Variants in HDAC4 observed in about 807,000 individuals in gnomAD.
The protein encoded by HDAC4 is histone deacetylase 4.
In HDAC4, 16 loss-of-function variants were observed where a neutral mutation model predicts 135.1. The ratio of observed to expected loss-of-function variants is 0.12; its 90% CI spans 0.08 to 0.18. The LOEUF (loss-of-function observed/expected upper bound fraction) is 0.18. Among genes scored for constraint, HDAC4 ranks in the 10% least tolerant of loss-of-function variants. The pLI is 1.00. For missense variants in HDAC4, 1,143 were observed against 1,511.8 expected, an observed-to-expected ratio of 0.76 and a Z score of 4.05; for synonymous variants, 685 against 653.4, an observed-to-expected ratio of 1.05 and a Z score of -0.74.
chr2:239,138,286 G>C (rs2041112104), intron 9 of HDAC4, among the ~76,000 whole-genome samples: 1 of 152,176 alleles, frequency 6.6e-6, no homozygotes, highest in Admixed American at 6.5e-5. Context: ...GCAGCCTGGA[G>C]ACAAAGGGCA....
At chr2:239,239,426 C>A (rs545547500) in intron 2 of HDAC4, among the ~76,000 whole-genome samples, 2 of 152,202 alleles carry the variant, frequency 1.3e-5, no homozygotes, top group African/African-American at 4.8e-5. Context: ...TGCGGCTGAA[C>A]ATGCTGCTCC....
intron 2 of HDAC4, among the ~76,000 whole-genome samples, chr2:239,253,458 G>A (rs2048894237): frequency 6.6e-6 from 1 of 152,310 alleles, no homozygotes; most frequent in South Asian, 2.1e-4. Context: ...AACAGCAGTG[G>A]CTGAATGTGT....
At chr2:239,198,726 C>T (rs1466428610) in intron 3 of HDAC4, among the ~76,000 whole-genome samples, 1 of 152,220 alleles carries the variant, frequency 6.6e-6, no homozygotes, top group Non-Finnish European at 1.5e-5. Flanking sequence ...CGTGTCGCCC[C>T]TCTTCTGTTC....
intron 3 of HDAC4, among the ~76,000 whole-genome samples, chr2:239,203,992 C>T (rs991099498): frequency 3.3e-5 from 5 of 152,174 alleles, no homozygotes; most frequent in East Asian, 3.9e-4. Context: ...GTTAGGAGTC[C>T]GGGTCCAATG....
intron 13 of HDAC4, 121 bp downstream of exon 13, chr2:239,114,932 A>T: frequency 8.3e-7 from 1 of 1,200,044 alleles, no homozygotes. Flanking sequence ...CAGGTGAGAC[A>T]CTGGACAGTG....
intron 22 of HDAC4, among the ~76,000 whole-genome samples, chr2:239,076,036 C>T (rs950017772): frequency 6.6e-6 from 1 of 151,686 alleles, no homozygotes; most frequent in Non-Finnish European, 1.5e-5. Flanking sequence ...CTCTCCTTGG[C>T]TTCCTGGGAG....
intron 1 of HDAC4, among the ~76,000 whole-genome samples, chr2:239,381,128 C>T (rs2126057625): frequency 6.6e-6 from 1 of 152,320 alleles, no homozygotes; most frequent in East Asian, 1.9e-4. Context: ...AGGAAACCGT[C>T]TAGGAACCAA....
At chr2:239,091,743 G>A (rs1033124394) in intron 17 of HDAC4, 9 of 152,250 alleles carry the variant, frequency 5.9e-5, no homozygotes, top group African/African-American at 2.2e-4. Context: ...AGTGTATTCG[G>A]TGATGGTTTT....
In HDAC4 at chr2:239,051,613, A is replaced by G. The variant is rs1407321673; in HGVS notation, c.*1484T>C. On this transcript the variant is annotated 3_prime_UTR_variant, in exon 27 of 27. Coordinates refer to ENST00000543185, the MANE Select transcript of HDAC4 (RefSeq NM_001378414.1). Reference sequence around the variant, plus strand: ...TTTGCTATAAAAACTCATTAGGTACATATGTGCATGAAGGCTTGGAGACGG... The same window carrying G: ...TTTGCTATAAAAACTCATTAGGTACGTATGTGCATGAAGGCTTGGAGACGG... The G allele has an allele frequency of 1.3e-5, 2 of 152,660 alleles. No homozygotes were observed. The highest frequency in any genetic ancestry group is 2.4e-5 in the African/African-American group (1 of 41,468). 9.5% of individuals were successfully genotyped at this position (152,660 alleles called of 1,614,324 possible).
intron 6 of HDAC4, among the ~76,000 whole-genome samples, chr2:239,160,914 C>T (rs1455065526): frequency 1.3e-5 from 2 of 152,258 alleles, no homozygotes; most frequent in East Asian, 1.9e-4. Flanking sequence ...CAGATTCCAA[C>T]AGGCAGCACA....
chr2:239,394,472 G>A (rs1374997900), intron 1 of HDAC4, among the ~76,000 whole-genome samples: 1 of 152,246 alleles, frequency 6.6e-6, no homozygotes, highest in Non-Finnish European at 1.5e-5. Flanking sequence ...AGCGGCTGGA[G>A]AACAAGCTGC....
chr2:239,111,371 G>C (rs1197192341), intron 14 of HDAC4, among the ~76,000 whole-genome samples, 155 bp downstream of exon 14: 1 of 152,136 alleles, frequency 6.6e-6, no homozygotes, highest in Admixed American at 6.5e-5. Flanking sequence ...GAGGGCCTCT[G>C]TGACAGACCT....
At chr2:239,092,570 G>C (rs1396393639) in intron 17 of HDAC4, among the ~76,000 whole-genome samples, 1 of 152,184 alleles carries the variant, frequency 6.6e-6, no homozygotes, top group African/African-American at 2.4e-5. Flanking sequence ...CCTCCCATGG[G>C]ACCCTGGGGT....
chr2:239,253,071 C>T (rs972479088), intron 2 of HDAC4, among the ~76,000 whole-genome samples: 3 of 152,232 alleles, frequency 2.0e-5, no homozygotes, highest in Non-Finnish European at 2.9e-5. Context: ...ACACTTCATA[C>T]GCGGCATTAA....
At chr2:239,065,699 C>T (rs1460807700) in intron 24 of HDAC4, among the ~76,000 whole-genome samples, 1 of 152,208 alleles carries the variant, frequency 6.6e-6, no homozygotes, top group Non-Finnish European at 1.5e-5. Flanking sequence ...ATCTGGTGTG[C>T]TGGAGCCTCA....
At position 239,115,585 on chromosome 2, in the gene HDAC4, G is replaced by T. The variant is rs2039055345; in HGVS notation, c.1534-275C>A. Reference sequence around the variant, plus strand: ...CTGACTAACATTTGGGGTTTACTAAGCACCTCTTCTGTGTCAGGCACCGAG... The same window carrying T: ...CTGACTAACATTTGGGGTTTACTAATCACCTCTTCTGTGTCAGGCACCGAG... On this transcript the variant is annotated intron_variant, in intron 12 of 26. Transcript: ENST00000543185. This position sits in a 1 kb window ranked among gnomAD's most constrained non-coding sequence, Gnocchi z 6.3. 6.6e-6 allele frequency among the ~76,000 whole-genome samples: 1 copy of T among 152,092 alleles called. No homozygotes were observed. Among genetic ancestry groups the T allele is most frequent in the African/African-American group, 2.4e-5 (1 of 41,410 alleles).
intron 17 of HDAC4, chr2:239,093,883 T>C: frequency 6.4e-6 from 6 of 938,422 alleles, no homozygotes; most frequent in Non-Finnish European, 6.4e-6. Context: ...AATTAAGAGA[T>C]TGCAGCCTAT....
intron 19 of HDAC4, among the ~76,000 whole-genome samples, chr2:239,085,043 C>CAGACACAG (rs56297930): frequency 1.2e-5 from 1 of 81,450 alleles, no homozygotes; most frequent in Admixed American, 1.1e-4. Context: ...GACAGACAGA[C>CAGACACAG]ACACACACAC....
rs149628843 is a variant in HDAC4 at position 239,129,075 on chromosome 2, G to A, written c.1295-2381C>T. ...AGAACTGGTGTGAGCAGAGACCCCT[G>A]TGCAGACCGGCCCTGTTCCTTTTCC... On this transcript the variant is annotated intron_variant, in intron 11 of 26. Coordinates refer to ENST00000543185, the MANE Select transcript of HDAC4 (RefSeq NM_001378414.1). 2.7e-3 allele frequency among the ~76,000 whole-genome samples: 406 copies of A among 152,286 alleles called. 2 individuals are homozygous for A. The highest frequency in any genetic ancestry group is 3.7e-3 in the Non-Finnish European group (254 of 68,036).
Sources: gnomAD v4.1 joint callset for allele counts (sites outside exome capture counted in the v4.1 genomes callset) on GRCh38, gnomAD v4.1.1 for gene constraint, Gnocchi (gnomAD v3.1) non-coding constraint, MANE v1.5 for transcripts, NCBI Gene and HGNC (gene_info 2026-07-23, HGNC 2026-07-21) for gene names.